The following GMDS variants were observed in gnomAD, a reference collection of about 807,000 sequenced individuals.
The protein encoded by GMDS is GDP-mannose 4,6-dehydratase, also known as GDP-mannose 4,6 dehydratase.
GMDS carries 20 observed loss-of-function variants against 49.9 expected under a neutral mutation model. The observed-to-expected ratio is 0.40, with a 90% CI of 0.28 to 0.58. The LOEUF (loss-of-function observed/expected upper bound fraction) is 0.58. Among genes scored for constraint, GMDS ranks in the 20% least tolerant of loss-of-function variants. The pLI is 0.42. For missense variants in GMDS, 362 were observed against 481.4 expected (o/e 0.75, Z 2.32); for synonymous variants, 177 against 178.6 (o/e 0.99, Z 0.07).
At chr6:1,637,613 T>G (rs1389047246) in intron 9 of GMDS, among the ~76,000 whole-genome samples, 1 of 152,184 alleles carries the variant, frequency 6.6e-6, no homozygotes, top group Non-Finnish European at 1.5e-5. Flanking sequence ...GGAAGCACGT[T>G]CCGCACCAGC....
intron 4 of GMDS, among the ~76,000 whole-genome samples, chr6:2,060,184 A>G (rs1208758930): frequency 6.6e-6 from 1 of 152,132 alleles, no homozygotes; most frequent in Non-Finnish European, 1.5e-5. Context: ...CAGCCTCCCA[A>G]GCAAGGCGAC....
chr6:2,021,969 T>C (rs777522303), intron 4 of GMDS, among the ~76,000 whole-genome samples: 1 of 152,180 alleles, frequency 6.6e-6, no homozygotes, highest in Non-Finnish European at 1.5e-5. Flanking sequence ...AGGCCCAACA[T>C]CAAATGGCCT....
intron 1 of GMDS, among the ~76,000 whole-genome samples, chr6:2,143,422 T>C (rs1194359008): frequency 6.6e-6 from 1 of 152,234 alleles, no homozygotes; most frequent in Non-Finnish European, 1.5e-5. Flanking sequence ...ATCTGGGCAG[T>C]GTCCATGGTC....
intron 4 of GMDS, among the ~76,000 whole-genome samples, chr6:2,004,576 A>C (rs1767039424): frequency 1.3e-5 from 2 of 152,156 alleles, no homozygotes; most frequent in Admixed American, 1.3e-4. Flanking sequence ...AACACAGGGG[A>C]GCTTGATACA....
chr6:1,624,248 G>T lies in GMDS; in HGVS notation c.1057-17C>A. On this transcript the variant is annotated splice_polypyrimidine_tract_variant and intron_variant, in intron 10 of 10. Transcript: ENST00000380815. The stretch of plus-strand genomic sequence containing the variant: ...CACCAGCTCCTGCAACACAGGGGTG[G>T]GCGTGAGGGAGGAGCTTCTGCCACT... 1 of 1,609,572 alleles carries T rather than the reference G, an allele frequency of 6.2e-7. No homozygotes were observed.
rs1490471075 is a variant in GMDS, at chr6:2,245,362, T to C, written c.61A>G (p.Lys21Glu). 1.9e-6 allele frequency: 3 copies of C among 1,552,976 alleles called. No homozygotes were observed. The African/African-American group carries it at 4.1e-5, about 21-fold the overall frequency. The change falls in exon 1 of 11, where the codon AAG (lysine) becomes GAG (glutamate). Residue 21 changes from lysine to glutamate, a missense_variant. Lys to Glu is a moderately conservative substitution (Grantham distance 56). Coordinates refer to ENST00000380815, the MANE Select transcript of GMDS (RefSeq NM_001500.4). ...ARGSGDGEMG[K>E]PRNVALITGI... is the part of the protein sequence containing the mutation. ...GTGATGAGCGCCACGTTCCTGGGCTTGCCCATCTCGCCGTCCCCGGAGCCC... is the reference window on the plus strand; with the variant it reads ...GTGATGAGCGCCACGTTCCTGGGCTCGCCCATCTCGCCGTCCCCGGAGCCC...
intron 7 of GMDS, among the ~76,000 whole-genome samples, chr6:1,831,896 A>C (rs972143010): frequency 6.6e-6 from 1 of 152,094 alleles, no homozygotes; most frequent in African/African-American, 2.4e-5. Flanking sequence ...CCCCATAAGA[A>C]TTTTTGTAAA....
chr6:1,832,489 G>A (rs1466329648), intron 7 of GMDS, among the ~76,000 whole-genome samples: 1 of 151,788 alleles, frequency 6.6e-6, no homozygotes, highest in Non-Finnish European at 1.5e-5. Context: ...TTTTTTTTAT[G>A]TGTGTTGGAG....
intron 1 of GMDS, among the ~76,000 whole-genome samples, chr6:2,174,082 C>T (rs1292197381): frequency 1.3e-5 from 2 of 152,264 alleles, no homozygotes; most frequent in South Asian, 2.1e-4. Context: ...AGGCTACGAA[C>T]AGTAACTAAT....
chr6:2,144,052 G>A (rs1489437130), intron 1 of GMDS, among the ~76,000 whole-genome samples: 2 of 152,104 alleles, frequency 1.3e-5, no homozygotes, highest in Non-Finnish European at 2.9e-5. Context: ...AAAAATAACA[G>A]GCAATATTTA....
chr6:2,048,509 G>A (rs765965333), intron 4 of GMDS, among the ~76,000 whole-genome samples: 18 of 152,208 alleles, frequency 1.2e-4, no homozygotes, highest in Non-Finnish European at 2.2e-4. Flanking sequence ...AGACTGTATT[G>A]ACAATTCTTG....
At position 1,946,003 on chromosome 6, in the gene GMDS, T is replaced by A. The variant is rs189932365; in HGVS notation, c.643+13864A>T. 2.6e-5 allele frequency among the ~76,000 whole-genome samples: 4 copies of A among 152,348 alleles called. No homozygotes were observed. In the East Asian group the frequency reaches 5.8e-4, roughly 22 times the overall value. ...TGAGTTACAAGACAGCTTAACAGTT[T>A]AGTCCCAGTTTCTATGTCACCCATG... On this transcript the variant is annotated intron_variant, in intron 6 of 10. Transcript: ENST00000380815.
intron 9 of GMDS, among the ~76,000 whole-genome samples, chr6:1,646,412 C>T (rs1356241191): frequency 2.0e-5 from 3 of 152,286 alleles, no homozygotes; most frequent in Admixed American, 2.0e-4. Context: ...TCACCCTGAC[C>T]TCCAATATCT....
chr6:1,742,544 C>A lies in GMDS; in HGVS notation c.814G>T (p.Val272Phe). The change falls in exon 8 of 11, where the codon GTT (valine) becomes TTT (phenylalanine). Residue 272 changes from valine (V) to phenylalanine (F), a missense_variant. Transcript: ENST00000380815. ...MLQNDEPEDF[V>F]IATGEVHSVR... The stretch of plus-strand genomic sequence containing the variant: ...CTATGGACCTCCCCAGTAGCTATAA[C>A]GAAGTCCTCCGGCTCATCATTCTGC... 1 of 1,611,906 alleles carries A rather than the reference C, an allele frequency of 6.2e-7. No individual in the cohort carries two copies. Among genetic ancestry groups the A allele is most frequent in the Non-Finnish European group, 8.5e-7 (1 of 1,178,012 alleles).
At chr6:2,128,282 C>T (rs1384425046) in intron 1 of GMDS, among the ~76,000 whole-genome samples, 1 of 151,482 alleles carries the variant, frequency 6.6e-6, no homozygotes, top group African/African-American at 2.4e-5. Flanking sequence ...TCCAGTGATT[C>T]TCCTGCCTGA....
chr6:2,138,438 C>T (rs1776115363), intron 1 of GMDS, among the ~76,000 whole-genome samples: 1 of 152,186 alleles, frequency 6.6e-6, no homozygotes. Flanking sequence ...GAATCCAAGA[C>T]ACTGTATAGG....
intron 1 of GMDS, among the ~76,000 whole-genome samples, chr6:2,233,087 G>A (rs116305580): frequency 0.012 from 1,885 of 152,268 alleles, 16 homozygotes; most frequent in African/African-American, 0.023. Flanking sequence ...AAGAAGGTAC[G>A]ACCTCGTAAA....
chr6:1,884,348 C>T (rs1408676127), intron 7 of GMDS, among the ~76,000 whole-genome samples: 2 of 152,124 alleles, frequency 1.3e-5, no homozygotes, highest in African/African-American at 4.8e-5. Context: ...AAGCACAAAT[C>T]CCAGAGTTCT....
chr6:2,165,933 T>TA (rs79359898), intron 1 of GMDS, among the ~76,000 whole-genome samples: 2 of 151,290 alleles, frequency 1.3e-5, no homozygotes, highest in African/African-American at 4.9e-5. Context: ...TTGACAAAGG[T>TA]AAAAAAATAA....
Sources: allele counts gnomAD v4.1 joint callset (sites outside exome capture counted in the v4.1 genomes callset), GRCh38; gene constraint gnomAD v4.1.1; transcripts MANE v1.5; gene names NCBI Gene and HGNC (gene_info 2026-07-23, HGNC 2026-07-21).